The following KCNK5 variants were observed in gnomAD, a reference collection of about 807,000 sequenced individuals.
The protein encoded by KCNK5 is potassium channel subfamily K member 5.
Under a neutral mutation model 32.9 loss-of-function variants are expected in KCNK5, and 18 were observed. The observed-to-expected ratio is 0.55, with a 90% CI of 0.38 to 0.81. The LOEUF is 0.81. Ranked by LOEUF, KCNK5 falls within the 30% of genes least tolerant of loss-of-function variation. The pLI is 0.00. For missense variants in KCNK5, 507 were observed against 651.0 expected (o/e 0.78, Z 2.41); for synonymous variants, 276 against 275.3 (o/e 1.00, Z -0.03).
intron 1 of KCNK5, among the ~76,000 whole-genome samples, chr6:39,209,536 G>C (rs1771290813): frequency 6.6e-6 from 1 of 152,212 alleles, no homozygotes; most frequent in African/African-American, 2.4e-5. Flanking sequence ...GGGATGGGGT[G>C]GGGGTTGGAA....
intron 1 of KCNK5, among the ~76,000 whole-genome samples, chr6:39,206,739 C>T (rs1465667758): frequency 6.6e-6 from 1 of 152,176 alleles, no homozygotes; most frequent in East Asian, 1.9e-4. Flanking sequence ...CTGACTCCAG[C>T]ATCCACTAGC....
At chr6:39,223,053 T>C (rs1199108669) in intron 1 of KCNK5, among the ~76,000 whole-genome samples, 2 of 152,216 alleles carry the variant, frequency 1.3e-5, no homozygotes, top group Non-Finnish European at 2.9e-5. Flanking sequence ...TTTAAAAAAT[T>C]CAGTTGACGT....
rs1239538260 is a variant in KCNK5, at chr6:39,189,722, CCTTT to C, written c.*1164_*1167del. On this transcript the variant is annotated 3_prime_UTR_variant, in exon 5 of 5. Transcript: ENST00000359534. Reference sequence around the variant, plus strand: ...TTTTGCTCCCCAGCCCAAATCCTTTCCTTTCTTAAACACACACGAGTGCACAGGT... The same window carrying C: ...TTTTGCTCCCCAGCCCAAATCCTTTCCTTAAACACACACGAGTGCACAGGT... The C allele has an allele frequency of 2.6e-5, 4 of 152,726 alleles. No individual in the cohort carries two copies. Among genetic ancestry groups the C allele is most frequent in the Admixed American group, 6.5e-5 (1 of 15,290 alleles). 9.5% of individuals were successfully genotyped at this position (152,726 alleles called of 1,614,324 possible).
chr6:39,225,014 T>C (rs1240336986), intron 1 of KCNK5, among the ~76,000 whole-genome samples: 1 of 152,050 alleles, frequency 6.6e-6, no homozygotes, highest in Admixed American at 6.6e-5. Flanking sequence ...CCAGCTGTTC[T>C]TTCTAATCCA....
At chr6:39,206,068 T>G (rs1339604555) in intron 1 of KCNK5, among the ~76,000 whole-genome samples, 2 of 152,236 alleles carry the variant, frequency 1.3e-5, no homozygotes, top group Non-Finnish European at 2.9e-5. Flanking sequence ...ATTCCCATTC[T>G]GTAGATGAGG....
intron 1 of KCNK5, among the ~76,000 whole-genome samples, chr6:39,197,895 A>G (rs1771056197): frequency 6.6e-6 from 1 of 152,236 alleles, no homozygotes; most frequent in African/African-American, 2.4e-5. Context: ...CCATGGAATC[A>G]TGGGGAACAG....
intron 4 of KCNK5, among the ~76,000 whole-genome samples, chr6:39,193,174 C>T (rs1448380459): frequency 2.0e-5 from 3 of 148,486 alleles, no homozygotes; most frequent in Admixed American, 6.7e-5. Context: ...GCTAAGTGTA[C>T]ATCTGTATTT....
chr6:39,190,667 C>T lies in KCNK5; in HGVS notation c.*223G>A, dbSNP rs1414047118. 3 of 469,966 alleles carry T rather than the reference C, an allele frequency of 6.4e-6. No individual in the cohort carries two copies. Among genetic ancestry groups the T allele is most frequent in the East Asian group, 6.5e-5 (2 of 30,622 alleles). 29.1% of individuals were successfully genotyped at this position (469,966 alleles called of 1,614,324 possible). A position where few individuals can be genotyped will look rare whatever the true frequency, so the allele number is the denominator to read the frequency against. On this transcript the variant is annotated 3_prime_UTR_variant, in exon 5 of 5. Coordinates refer to ENST00000359534, the MANE Select transcript of KCNK5 (RefSeq NM_003740.4). The stretch of plus-strand genomic sequence containing the variant: ...TGAGATACACCAGCCAAGCTCAGGA[C>T]AGATGCCCCCACAGCCAGGGTATGG...
chr6:39,222,037 C>A (rs1219249339), intron 1 of KCNK5, among the ~76,000 whole-genome samples: 1 of 152,194 alleles, frequency 6.6e-6, no homozygotes, highest in Non-Finnish European at 1.5e-5. Flanking sequence ...TCCACTGTAT[C>A]CAGGTCTCTG....
chr6:39,195,842 G>A (rs1197843877), intron 2 of KCNK5, 34 bp downstream of exon 2: 1 of 1,520,586 alleles, frequency 6.6e-7, no homozygotes, highest in South Asian at 1.1e-5. Flanking sequence ...CTAGGGCATG[G>A]ATGTGGGTGT....
intron 1 of KCNK5, among the ~76,000 whole-genome samples, chr6:39,224,540 G>A (rs929405814): frequency 6.6e-6 from 1 of 152,184 alleles, no homozygotes; most frequent in Non-Finnish European, 1.5e-5. Context: ...ACTTTGGACT[G>A]GAGTGTGTAT....
chr6:39,199,222 A>C (rs1372727176), intron 1 of KCNK5, among the ~76,000 whole-genome samples: 2 of 152,234 alleles, frequency 1.3e-5, no homozygotes, highest in African/African-American at 4.8e-5. Context: ...GCTAGTGCCA[A>C]AGGTAACCTG....
intron 1 of KCNK5, among the ~76,000 whole-genome samples, chr6:39,202,172 G>C (rs1475955414): frequency 6.6e-6 from 1 of 152,188 alleles, no homozygotes; most frequent in Non-Finnish European, 1.5e-5. Flanking sequence ...TACTGAATGA[G>C]TGAATAAATA....
chr6:39,194,834 C>T lies in KCNK5; in HGVS notation c.299-74G>A, dbSNP rs182170980. ...GTGGGCCTTGCTTCCAACACACACA[C>T]AGCCCGTTCTCTAAGATAAATTGAT... On this transcript the variant is annotated intron_variant, in intron 2 of 4. Transcript: ENST00000359534. The surrounding 1 kb of genome is among the most constrained non-coding windows in gnomAD (Gnocchi z 4.7). 30 of 1,249,486 alleles carry T rather than the reference C, an allele frequency of 2.4e-5. No homozygotes were observed. The African/African-American group carries it at 3.3e-4, about 14-fold the overall frequency. The allele number at this position is 1,249,486 out of a possible 1,614,324, so 77.4% of individuals were successfully genotyped here.
chr6:39,210,832 C>T (rs73731722), intron 1 of KCNK5, among the ~76,000 whole-genome samples: 4,548 of 152,252 alleles, frequency 0.03, 131 homozygotes, highest in African/African-American at 0.076. Context: ...CTCCTTCAAG[C>T]CCAAGCAATG....
At chr6:39,207,915 C>T (rs1162493934) in intron 1 of KCNK5, among the ~76,000 whole-genome samples, 1 of 152,092 alleles carries the variant, frequency 6.6e-6, no homozygotes, top group Non-Finnish European at 1.5e-5. Flanking sequence ...GAAGCTGGCT[C>T]CTGACCCTTG....
chr6:39,194,884 T>C lies in KCNK5; in HGVS notation c.299-124A>G. ...TATTGATCTATTGTCAGTACTTAAG[T>C]AATGATATTTCCCTTGATCATACTC... On this transcript the variant is annotated intron_variant, in intron 2 of 4. Coordinates refer to ENST00000359534, the MANE Select transcript of KCNK5 (RefSeq NM_003740.4). The surrounding 1 kb of genome is among the most constrained non-coding windows in gnomAD (Gnocchi z 4.7). 1 of 775,864 alleles carries C rather than the reference T, an allele frequency of 1.3e-6. No individual in the cohort carries two copies. The highest frequency in any genetic ancestry group is 2.1e-6 in the Non-Finnish European group (1 of 469,346). The allele number at this position is 775,864 out of a possible 1,614,324, so 48.1% of individuals were successfully genotyped here.
intron 1 of KCNK5, among the ~76,000 whole-genome samples, chr6:39,217,591 C>T (rs527681299): frequency 1.3e-5 from 2 of 152,352 alleles, no homozygotes; most frequent in African/African-American, 2.4e-5. Flanking sequence ...GGGCAAGTTA[C>T]ATAACCTCCA....
chr6:39,219,212 G>C (rs574922416), intron 1 of KCNK5, among the ~76,000 whole-genome samples: 1 of 152,250 alleles, frequency 6.6e-6, no homozygotes, highest in East Asian at 1.9e-4. Context: ...GGGGGATAGG[G>C]GAAGAAGAAG....
Sources: allele counts gnomAD v4.1 joint callset (sites outside exome capture counted in the v4.1 genomes callset), GRCh38; gene constraint gnomAD v4.1.1; non-coding constraint Gnocchi (gnomAD v3.1); transcripts MANE v1.5; gene names NCBI Gene and HGNC (gene_info 2026-07-23, HGNC 2026-07-21).